ADK: variants seen among roughly 807,000 people sequenced by gnomAD.
The protein encoded by ADK is N6,N6-dimethyladenosine kinase.
Under a neutral mutation model 44.7 loss-of-function variants are expected in ADK, and 24 were observed. The ratio of observed to expected loss-of-function variants is 0.54; its 90% CI spans 0.39 to 0.76. The LOEUF is 0.76. Ranked by LOEUF, ADK falls within the 30% of genes least tolerant of loss-of-function variation. ADK has a pLI of 0.00. For missense variants in ADK, 321 were observed against 425.1 expected, an observed-to-expected ratio of 0.76 and a Z score of 2.15; for synonymous variants, 128 against 142.6, an observed-to-expected ratio of 0.90 and a Z score of 0.73.
At position 74,542,155 on chromosome 10, in the gene ADK, C is replaced by A. The variant is rs191328286; in HGVS notation, c.726+16729C>A. ...ACTTGGGAGGCTGAGGTAAGAGGAT[C>A]GCTTGAGCCCAGGAGGTCACATGGT... On this transcript the variant is annotated intron_variant, in intron 7 of 10. Transcript: ENST00000539909. Among the ~76,000 whole-genome samples, 163 of 151,228 alleles carry A rather than the reference C, an allele frequency of 1.1e-3. 1 individual carries two copies. The East Asian group carries it at 0.024, about 23-fold the overall frequency.
chr10:74,311,183 C>T (rs1003817656), intron 3 of ADK, among the ~76,000 whole-genome samples: 4 of 152,072 alleles, frequency 2.6e-5, no homozygotes, highest in African/African-American at 9.7e-5. Flanking sequence ...TTTGTTTACA[C>T]AAAAAGATTA....
chr10:74,453,899 A>G (rs1054130061), intron 6 of ADK, among the ~76,000 whole-genome samples: 4 of 152,160 alleles, frequency 2.6e-5, no homozygotes, highest in Admixed American at 1.3e-4. Context: ...AATTATTAGT[A>G]ATTGCTAAAA....
intron 9 of ADK, among the ~76,000 whole-genome samples, chr10:74,644,613 A>G (rs1482590297): frequency 6.6e-6 from 1 of 152,184 alleles, no homozygotes; most frequent in Non-Finnish European, 1.5e-5. Flanking sequence ...AGATCACTGT[A>G]ACCTCGAACT....
chr10:74,341,655 A>G (rs1841587244), intron 4 of ADK, among the ~76,000 whole-genome samples: 2 of 152,102 alleles, frequency 1.3e-5, no homozygotes, highest in Non-Finnish European at 1.5e-5. Flanking sequence ...TTAATCCTAA[A>G]TCCAGTGTAT....
chr10:74,514,680 A>G (rs1254629243), intron 6 of ADK, among the ~76,000 whole-genome samples: 3 of 151,852 alleles, frequency 2.0e-5, no homozygotes, highest in Non-Finnish European at 2.9e-5. Flanking sequence ...TGAGTTATCT[A>G]TCGGTATTCT....
chr10:74,364,687 GGTGTGTGTGTGTGTGTGT>G (rs58295310), intron 4 of ADK, among the ~76,000 whole-genome samples: 2,615 of 136,414 alleles, frequency 0.019, 22 homozygotes, highest in Middle Eastern at 0.035. Flanking sequence ...CAAAGGCTAT[GGTGTGTGTGTGTGTGTGT>G]GTGTGTGTGT....
chr10:74,562,320 T>G (rs1038258367), intron 7 of ADK, among the ~76,000 whole-genome samples: 6 of 152,114 alleles, frequency 3.9e-5, no homozygotes, highest in African/African-American at 1.4e-4. Context: ...TCTTTAAAAA[T>G]AAGTATATAT....
At chr10:74,651,863 C>T (rs1165855486) in intron 9 of ADK, among the ~76,000 whole-genome samples, 1 of 151,880 alleles carries the variant, frequency 6.6e-6, no homozygotes, top group Non-Finnish European at 1.5e-5. Context: ...AAACATTATG[C>T]TAAAAAAAAT....
intron 1 of ADK, among the ~76,000 whole-genome samples, chr10:74,152,049 G>A (rs1308296137): frequency 6.6e-6 from 1 of 152,220 alleles, no homozygotes; most frequent in Non-Finnish European, 1.5e-5. Context: ...TAAGTATAAA[G>A]TGAAGCAGGC....
chr10:74,252,529 C>T (rs527837015), intron 3 of ADK, among the ~76,000 whole-genome samples: 1 of 152,322 alleles, frequency 6.6e-6, no homozygotes, highest in East Asian at 1.9e-4. Flanking sequence ...ATTTTTGTGT[C>T]ACTGCACCTA....
Position 74,605,764 on chromosome 10 carries a change from A to G in ADK, c.877+5271A>G, listed in dbSNP as rs1458560131. On this transcript the variant is annotated intron_variant, in intron 9 of 10. Transcript: ENST00000539909. ...GGATGATGCTGGCCTCATAAAATAA[A>G]TTAGAGAGGAGTCCCTCTTTTTCTA... Among the ~76,000 whole-genome samples, 5 of 152,266 alleles carry G rather than the reference A, an allele frequency of 3.3e-5. No homozygotes were observed. In the East Asian group the frequency reaches 9.6e-4, roughly 29 times the overall value.
chr10:74,468,972 G>GGT (rs374001307), intron 6 of ADK, among the ~76,000 whole-genome samples: 10 of 150,704 alleles, frequency 6.6e-5, no homozygotes, highest in South Asian at 4.2e-4. Context: ...TGCATGTGTG[G>GGT]GTGTGTGTGT....
chr10:74,232,393 TCA>T (rs997451985), intron 3 of ADK, among the ~76,000 whole-genome samples: 14 of 151,624 alleles, frequency 9.2e-5, no homozygotes, highest in African/African-American at 3.4e-4. Flanking sequence ...ATGGTGGCAC[TCA>T]CCTGCAGTCC....
intron 6 of ADK, among the ~76,000 whole-genome samples, chr10:74,416,258 T>G (rs376927792): frequency 6.6e-6 from 1 of 151,980 alleles, no homozygotes; most frequent in Non-Finnish European, 1.5e-5. Flanking sequence ...TATGAACCCA[T>G]ATTTCCTGTT....
intron 6 of ADK, among the ~76,000 whole-genome samples, chr10:74,415,118 A>T (rs1191308746): frequency 6.6e-6 from 1 of 152,186 alleles, no homozygotes; most frequent in Non-Finnish European, 1.5e-5. Context: ...AAAGTCTGGG[A>T]ATTTTATGTG....
chr10:74,537,305 G>A (rs1849487150), intron 7 of ADK, among the ~76,000 whole-genome samples: 1 of 152,102 alleles, frequency 6.6e-6, no homozygotes, highest in African/African-American at 2.4e-5. Context: ...GAATTGATTG[G>A]TTATCCTTGT....
intron 7 of ADK, among the ~76,000 whole-genome samples, chr10:74,580,114 G>A (rs1851324314): frequency 6.6e-6 from 1 of 152,062 alleles, no homozygotes; most frequent in South Asian, 2.1e-4. Context: ...AATATATAAT[G>A]AGAAACAAAA....
intron 4 of ADK, among the ~76,000 whole-genome samples, chr10:74,379,543 A>C (rs1033100259): frequency 6.6e-6 from 1 of 152,200 alleles, no homozygotes; most frequent in African/African-American, 2.4e-5. Context: ...CTAGAACTGC[A>C]TATTTTTCTA....
intron 4 of ADK, among the ~76,000 whole-genome samples, chr10:74,360,412 A>G (rs1329414597): frequency 1.3e-5 from 2 of 152,184 alleles, no homozygotes; most frequent in Non-Finnish European, 2.9e-5. Flanking sequence ...TATTTGGTCT[A>G]GAGTATAGTT....
Sources: allele counts gnomAD v4.1 joint callset (sites outside exome capture counted in the v4.1 genomes callset), GRCh38; gene constraint gnomAD v4.1.1; transcripts MANE v1.5; gene names NCBI Gene and HGNC (gene_info 2026-07-23, HGNC 2026-07-21).